The following HSD17B12 variants were observed in gnomAD, a reference collection of about 807,000 sequenced individuals.
The protein encoded by HSD17B12 is hydroxysteroid 17-beta dehydrogenase 12.
A neutral mutation model predicts 39.3 loss-of-function variants in HSD17B12; 32 were observed. The ratio of observed to expected loss-of-function variants is 0.81; its 90% CI spans 0.61 to 1.09. HSD17B12 has a LOEUF of 1.09. HSD17B12 is among the 50% of genes least tolerant of loss of function. The pLI is 0.00. For missense variants in HSD17B12, 342 were observed against 382.9 expected (o/e 0.89, Z 0.89); for synonymous variants, 150 against 146.7 (o/e 1.02, Z -0.16).
the HSD17B12 span, among the ~76,000 whole-genome samples, chr11:43,624,867 C>G: frequency 8.6e-5 from 13 of 151,780 alleles, no homozygotes; most frequent in African/African-American, 3.1e-4. Context: ...GAAATTACTA[C>G]TGCCAAGGCC....
Position 43,698,882 on chromosome 11 carries a change from C to T in HSD17B12, c.160+17895C>T, listed in dbSNP as rs184078188. ...TGTTGCAACTTTGTTGTGATCAACACCTGAGTCTCTTGATGTGATTATCTA... is the reference window on the plus strand; with the variant it reads ...TGTTGCAACTTTGTTGTGATCAACATCTGAGTCTCTTGATGTGATTATCTA... On this transcript the variant is annotated intron_variant, in intron 1 of 10. Transcript: ENST00000278353. Among the ~76,000 whole-genome samples, 302 of 152,226 alleles carry T rather than the reference C, an allele frequency of 2.0e-3. 1 individual carries two copies. Among genetic ancestry groups the T allele is most frequent in the Non-Finnish European group, 2.0e-3 (137 of 68,004 alleles).
intron 1 of HSD17B12, among the ~76,000 whole-genome samples, chr11:43,704,952 T>C (rs1177265816): frequency 3.3e-5 from 5 of 152,204 alleles, no homozygotes; most frequent in Non-Finnish European, 5.9e-5. Flanking sequence ...TCCTGTTACT[T>C]TGAGATAAAA....
chr11:43,723,561 A>G (rs1240099140), intron 1 of HSD17B12, among the ~76,000 whole-genome samples: 4 of 152,250 alleles, frequency 2.6e-5, no homozygotes. Flanking sequence ...GCATATTGCC[A>G]TTAGCATTTA....
At chr11:43,753,463 A>C (rs1735565807) in intron 2 of HSD17B12, among the ~76,000 whole-genome samples, 1 of 143,894 alleles carries the variant, frequency 6.9e-6, no homozygotes, top group South Asian at 2.2e-4. Context: ...ATCACGGCTC[A>C]CTGCAGTCTA....
the HSD17B12 span, among the ~76,000 whole-genome samples, chr11:43,624,864 C>T: frequency 6.6e-6 from 1 of 151,786 alleles, no homozygotes; most frequent in Non-Finnish European, 1.5e-5. Context: ...CCAGAAATTA[C>T]TACTGCCAAG....
At chr11:43,717,236 T>C (rs1950132449) in intron 1 of HSD17B12, among the ~76,000 whole-genome samples, 1 of 152,228 alleles carries the variant, frequency 6.6e-6, no homozygotes, top group Non-Finnish European at 1.5e-5. Flanking sequence ...ATGAGGACTT[T>C]AATTCACTGT....
chr11:43,768,557 TGTCCAGAGTTTGTTCCTCCAGATGG>T (rs1360599651), intron 3 of HSD17B12, among the ~76,000 whole-genome samples: 1 of 152,128 alleles, frequency 6.6e-6, no homozygotes, highest in Non-Finnish European at 1.5e-5. Context: ...AAAGATGGTG[TGTCCAGAGTTTGTTCCTCCAGATGG>T]GTCCAGAATT....
chr11:43,656,559 C>T, the HSD17B12 span, among the ~76,000 whole-genome samples: 4 of 151,756 alleles, frequency 2.6e-5, no homozygotes, highest in East Asian at 1.9e-4. Flanking sequence ...TTTCCCTCTA[C>T]ACACTGCTTT....
chr11:43,828,625 T>G (rs1951275164), intron 6 of HSD17B12, among the ~76,000 whole-genome samples: 1 of 152,162 alleles, frequency 6.6e-6, no homozygotes, highest in Non-Finnish European at 1.5e-5. Flanking sequence ...ACAAAAATTT[T>G]TCTGGTGCAG....
chr11:43,648,257 C>T, the HSD17B12 span, among the ~76,000 whole-genome samples: 1 of 152,176 alleles, frequency 6.6e-6, no homozygotes, highest in East Asian at 1.9e-4. Context: ...TTTGCTTCAA[C>T]TTAAAACCAT....
intron 9 of HSD17B12, among the ~76,000 whole-genome samples, chr11:43,849,505 T>C (rs1461850377): frequency 6.6e-6 from 1 of 152,196 alleles, no homozygotes; most frequent in Non-Finnish European, 1.5e-5. Flanking sequence ...ACTTTGAGGA[T>C]GCCTTCACCT....
intron 3 of HSD17B12, among the ~76,000 whole-genome samples, chr11:43,785,610 T>C (rs1950808718): frequency 6.6e-6 from 1 of 152,228 alleles, no homozygotes; most frequent in Admixed American, 6.5e-5. Context: ...AATCTGGCTT[T>C]ACATGGATGC....
chr11:43,778,584 C>T (rs997541484), intron 3 of HSD17B12, among the ~76,000 whole-genome samples: 2 of 151,154 alleles, frequency 1.3e-5, no homozygotes, highest in Non-Finnish European at 2.9e-5. Context: ...CAAAAATCCT[C>T]AATAAAATAC....
the HSD17B12 span, among the ~76,000 whole-genome samples, chr11:43,631,961 G>A: frequency 6.6e-6 from 1 of 152,138 alleles, no homozygotes; most frequent in Non-Finnish European, 1.5e-5. Context: ...GTTGGAGAGG[G>A]CTCTGGGGGC....
chr11:43,812,413 C>G (rs1427234247), intron 4 of HSD17B12, among the ~76,000 whole-genome samples: 7 of 152,204 alleles, frequency 4.6e-5, no homozygotes, highest in Non-Finnish European at 2.9e-5. Context: ...AACAGCTACT[C>G]TAACTGGGGT....
At chr11:43,661,565 C>G in the HSD17B12 span, among the ~76,000 whole-genome samples, 2 of 152,096 alleles carry the variant, frequency 1.3e-5, no homozygotes, top group Admixed American at 6.6e-5. Context: ...GTAATCCCAA[C>G]ACTTAGGGAG....
At chr11:43,795,296 C>G (rs189540576) in intron 3 of HSD17B12, among the ~76,000 whole-genome samples, 117 of 152,258 alleles carry the variant, frequency 7.7e-4, no homozygotes, top group African/African-American at 2.7e-3. Flanking sequence ...CACACACCAT[C>G]GTTCTCAACT....
chr11:43,803,504 T>C (rs1590313972), intron 4 of HSD17B12, among the ~76,000 whole-genome samples: 1 of 152,214 alleles, frequency 6.6e-6, no homozygotes, highest in African/African-American at 2.4e-5. Flanking sequence ...TTAATGAAAC[T>C]AGTAAGGATA....
the HSD17B12 span, among the ~76,000 whole-genome samples, chr11:43,594,438 C>T: frequency 2.1e-4 from 32 of 151,190 alleles, no homozygotes; most frequent in African/African-American, 7.8e-4. Context: ...TAAAAGAATA[C>T]TATATATTTT....
Sources: gnomAD v4.1 joint callset for allele counts (sites outside exome capture counted in the v4.1 genomes callset) on GRCh38, gnomAD v4.1.1 for gene constraint, MANE v1.5 for transcripts, NCBI Gene and HGNC (gene_info 2026-07-23, HGNC 2026-07-21) for gene names.